The following ZNG1F variants were observed in gnomAD, a reference collection of about 807,000 sequenced individuals.
ZNG1F encodes the protein zinc-regulated GTPase metalloprotein activator 1F.
At chr9:41,142,659 A>C in the ZNG1F span, among the ~76,000 whole-genome samples, 1 of 81,752 alleles carries the variant, frequency 1.2e-5, no homozygotes, top group Non-Finnish European at 2.8e-5. Context: ...AAAAAAAAAA[A>C]AAAAAAAAAA....
chr9:41,178,752 G>T, the ZNG1F span, among the ~76,000 whole-genome samples: 1 of 17,042 alleles, frequency 5.9e-5, no homozygotes, highest in African/African-American at 2.3e-4. Flanking sequence ...ATTTTTAGTC[G>T]AGATGGGGTT....
the ZNG1F span, chr9:41,134,090 C>T: frequency 7.2e-6 from 2 of 278,070 alleles, no homozygotes; most frequent in South Asian, 9.2e-5. Flanking sequence ...ACTCACTATA[C>T]AGGGCCAGGT....
chr9:41,144,383 C>T, the ZNG1F span, among the ~76,000 whole-genome samples: 1 of 89,712 alleles, frequency 1.1e-5, no homozygotes, highest in African/African-American at 3.8e-5. Flanking sequence ...TCATAAAGAA[C>T]TGAGTTTTTT....
At chr9:41,154,674 A>C in the ZNG1F span, among the ~76,000 whole-genome samples, 2 of 148,636 alleles carry the variant, frequency 1.3e-5, no homozygotes, top group African/African-American at 5.0e-5. Context: ...TCAATGGAAC[A>C]GAACAGAGCC....
At chr9:41,175,209 AT>A in the ZNG1F span, among the ~76,000 whole-genome samples, 2 of 148,192 alleles carry the variant, frequency 1.3e-5, no homozygotes, top group Admixed American at 1.4e-4. Context: ...TGTGTCAACA[AT>A]GAAATAACGG....
the ZNG1F span, among the ~76,000 whole-genome samples, chr9:41,156,003 A>G: frequency 8.7e-6 from 1 of 114,410 alleles, no homozygotes; most frequent in African/African-American, 3.3e-5. Context: ...AATTTAAAAA[A>G]ATCTCAAGAA....
the ZNG1F span, among the ~76,000 whole-genome samples, chr9:41,184,143 T>A: frequency 1.3e-5 from 2 of 151,252 alleles, no homozygotes; most frequent in Non-Finnish European, 3.0e-5. Context: ...TAGTTCATCC[T>A]GAGGAAGGTT....
At chr9:41,199,750 C>CTTCTACA in the ZNG1F span, among the ~76,000 whole-genome samples, 3 of 152,072 alleles carry the variant, frequency 2.0e-5, no homozygotes, top group African/African-American at 4.8e-5. Context: ...CTACAGCAAA[C>CTTCTACA]TTCTACATCT....
At chr9:41,184,873 CTGT>C in the ZNG1F span, among the ~76,000 whole-genome samples, 5 of 109,914 alleles carry the variant, frequency 4.5e-5, no homozygotes, top group African/African-American at 1.8e-4. Flanking sequence ...AAAAAACAGT[CTGT>C]TATTAGAAAT....
the ZNG1F span, among the ~76,000 whole-genome samples, chr9:41,196,789 T>C: frequency 5.6e-4 from 37 of 66,194 alleles, 11 homozygotes; most frequent in African/African-American, 1.3e-3. Context: ...GAATGTATTA[T>C]AACTATAAAA....
At chr9:41,175,245 T>C in the ZNG1F span, among the ~76,000 whole-genome samples, 1 of 146,610 alleles carries the variant, frequency 6.8e-6, no homozygotes, top group Non-Finnish European at 1.5e-5. Context: ...TGATTACTCA[T>C]GCAAGATATA....
the ZNG1F span, chr9:41,158,008 T>A: frequency 3.8e-5 from 4 of 104,646 alleles, no homozygotes; most frequent in East Asian, 2.9e-4. Context: ...CCCCCACCCC[T>A]CCCCCCGCTA....
At chr9:41,137,330 A>C in the ZNG1F span, among the ~76,000 whole-genome samples, 1 of 145,348 alleles carries the variant, frequency 6.9e-6, no homozygotes, top group South Asian at 2.2e-4. Context: ...CTGTGGTCTG[A>C]GAAAGTGCTT....
chr9:41,151,595 CAGAG>C, the ZNG1F span, among the ~76,000 whole-genome samples: 1 of 150,368 alleles, frequency 6.7e-6, no homozygotes, highest in African/African-American at 2.4e-5. Flanking sequence ...TAAGGGCAGC[CAGAG>C]AGAAAGGTCG....
the ZNG1F span, among the ~76,000 whole-genome samples, chr9:41,181,147 C>T: frequency 3.9e-5 from 5 of 127,810 alleles, no homozygotes; most frequent in African/African-American, 1.2e-4. Flanking sequence ...TTTATAACTA[C>T]AATTTGTATA....
the ZNG1F span, among the ~76,000 whole-genome samples, chr9:41,173,597 CT>C: frequency 7.2e-6 from 1 of 138,264 alleles, no homozygotes; most frequent in Non-Finnish European, 1.6e-5. Flanking sequence ...GTGTTTAATT[CT>C]TATCTTCAAG....
chr9:41,204,924 G>T, the ZNG1F span, among the ~76,000 whole-genome samples: 2 of 150,272 alleles, frequency 1.3e-5, no homozygotes, highest in Non-Finnish European at 3.0e-5. Flanking sequence ...AGTTTTGGTT[G>T]CATAATACCA....
chr9:41,138,850 G>T, the ZNG1F span, among the ~76,000 whole-genome samples: 1 of 129,532 alleles, frequency 7.7e-6, no homozygotes, highest in African/African-American at 3.2e-5. Context: ...ATGCTATCTA[G>T]TTCATTGAAT....
At chr9:41,178,770 G>A in the ZNG1F span, among the ~76,000 whole-genome samples, 1 of 29,752 alleles carries the variant, frequency 3.4e-5, no homozygotes. Context: ...GTTTCACTAT[G>A]TTGGCCAGGC....
Sources: allele counts gnomAD v4.1 joint callset (sites outside exome capture counted in the v4.1 genomes callset), GRCh38; gene constraint gnomAD v4.1.1; transcripts MANE v1.5; gene names NCBI Gene and HGNC (gene_info 2026-07-23, HGNC 2026-07-21).